The following ZNF214 variants were observed in gnomAD, a reference collection of about 807,000 sequenced individuals.
ZNF214 encodes the protein BWSCR2-associated zinc finger protein 1.
Under a neutral mutation model 53.9 loss-of-function variants are expected in ZNF214, and 43 were observed. That is an observed-to-expected ratio of 0.80 (90% CI 0.63 to 1.03). ZNF214 has a LOEUF of 1.03. ZNF214 is among the 50% of genes least tolerant of loss of function. The pLI, the probability that ZNF214 is intolerant of heterozygous loss-of-function variation, is 0.00. For missense variants in ZNF214, 724 were observed against 719.1 expected, an observed-to-expected ratio of 1.01 and a Z score of -0.08; for synonymous variants, 217 against 229.5, an observed-to-expected ratio of 0.95 and a Z score of 0.49.
At position 7,000,829 on chromosome 11, in the gene ZNF214, T is replaced by A. The variant is rs749164427; in HGVS notation, c.854A>T (p.His285Leu). 6.2e-7 allele frequency: 1 copy of A among 1,612,166 alleles called. No individual in the cohort carries two copies. The highest frequency in any genetic ancestry group is 2.2e-5 in the East Asian group (1 of 44,844). Residue 285 changes from histidine (H) to leucine (L), a missense_variant, in exon 3 of 3, where the codon CAT becomes CTT. Coordinates refer to ENST00000278314, the MANE Select transcript of ZNF214 (RefSeq NM_013249.4). ...ATGAAAGTGAACTCCGGAGCTCTGA[T>A]GAAAGTTACCGTCAACTTCATCACA... ...YGCDEVDGNFHQSSGVHFHQR... is the reference protein window; with the variant it reads ...YGCDEVDGNFLQSSGVHFHQR...
At position 7,001,392 on chromosome 11, in the gene ZNF214, C is replaced by G. The variant is rs757747472; in HGVS notation, c.291G>C (p.Gln97His). ...VQGTDSKDLT[Q>H]QDRSQCQEWL... ...ATTCCTGACACTGGGAACGATCTTG[C>G]TGTGTGAGGTCTTTGGAATCTGTCC... Residue 97 changes from glutamine (Q) to histidine (H), a missense_variant, in exon 3 of 3, where the codon CAG becomes CAC. By Grantham distance (24) the Gln-to-His change is conservative (BLOSUM62 0). Transcript: ENST00000278314. 1 of 1,613,222 alleles carries G rather than the reference C, an allele frequency of 6.2e-7. No individual in the cohort carries two copies. Among genetic ancestry groups the G allele is most frequent in the Non-Finnish European group, 8.5e-7 (1 of 1,179,398 alleles).
chr11:7,001,493 A>G lies in ZNF214; in HGVS notation c.190T>C (p.Phe64Leu), dbSNP rs1851350113. The G allele has an allele frequency of 5.0e-6, 8 of 1,611,756 alleles. No individual in the cohort carries two copies. Among genetic ancestry groups the G allele is most frequent in the Non-Finnish European group, 5.9e-6 (7 of 1,178,830 alleles). ...EKFRYLEYEN[F>L]SYWQGWWNAG... ...TTCCACCAGCCTTGCCAGTAGGAAA[A>G]ATTTTCATATTCTAAGTATCTGAAT... The change falls in exon 3 of 3, where the codon TTT becomes CTT. Residue 64 changes from phenylalanine to leucine, a missense_variant. Transcript: ENST00000278314.
rs1341243628 is a variant in ZNF214 at position 7,001,059 on chromosome 11, GTCT to G, written c.621_623del (p.Glu207del). On this transcript the variant is annotated inframe_deletion, in exon 3 of 3. Coordinates refer to ENST00000278314, the MANE Select transcript of ZNF214 (RefSeq NM_013249.4). The stretch of plus-strand genomic sequence containing the variant: ...TTTCTTCCATTGAATCTCTCAGTAG[GTCT>G]TCTTGACATATCACCCCAACATACT... The G allele has an allele frequency of 1.9e-6, 3 of 1,613,078 alleles. No homozygotes were observed. Among genetic ancestry groups the G allele is most frequent in the African/African-American group, 1.3e-5 (1 of 74,800 alleles).
intron 1 of ZNF214, among the ~76,000 whole-genome samples, chr11:7,012,765 A>G (rs1327490928): frequency 6.6e-6 from 1 of 152,256 alleles, no homozygotes; most frequent in East Asian, 1.9e-4. Flanking sequence ...TCAAGACGTC[A>G]GAAATAAAGT....
intron 1 of ZNF214, among the ~76,000 whole-genome samples, chr11:7,004,453 C>G (rs1851429274): frequency 6.6e-6 from 1 of 151,978 alleles, no homozygotes; most frequent in Admixed American, 6.6e-5. Flanking sequence ...TAAACATGCC[C>G]ACAAATTATT....
intron 1 of ZNF214, among the ~76,000 whole-genome samples, chr11:7,010,557 A>G (rs1851581875): frequency 6.6e-6 from 1 of 151,770 alleles, no homozygotes; most frequent in African/African-American, 2.4e-5. Flanking sequence ...TATAACCCTA[A>G]TCCTAAAATA....
At chr11:7,005,546 A>G (rs1357023296) in intron 1 of ZNF214, among the ~76,000 whole-genome samples, 1 of 152,068 alleles carries the variant, frequency 6.6e-6, no homozygotes, top group African/African-American at 2.4e-5. Context: ...TTCTTTATTC[A>G]CTTCCTGTTA....
At position 7,000,515 on chromosome 11, in the gene ZNF214, C is replaced by T. The variant is rs1434039094; in HGVS notation, c.1168G>A (p.Glu390Lys). 2 of 1,612,438 alleles carry T rather than the reference C, an allele frequency of 1.2e-6. No individual in the cohort carries two copies. The highest frequency in any genetic ancestry group is 4.5e-5 in the East Asian group (2 of 44,868). Residue 390 changes from glutamate (E) to lysine (K), a missense_variant, in exon 3 of 3, where the codon GAG becomes AAG. By Grantham distance (56) the Glu-to-Lys change is moderately conservative (BLOSUM62 1). Coordinates refer to ENST00000278314, the MANE Select transcript of ZNF214 (RefSeq NM_013249.4). ...CTCTGGCTGAAACCCTTACCACACT[C>T]ATCACACTTATATGGTTTTTCTCCT... ...HTGEKPYKCD[E>K]CGKGFSQSSN...
Position 7,000,017 on chromosome 11 carries a change from A to G in ZNF214, c.1666T>C (p.Cys556Arg), listed in dbSNP as rs370469504. 3.4e-5 allele frequency: 55 copies of G among 1,613,260 alleles called. No homozygotes were observed. Among genetic ancestry groups the G allele is most frequent in the Non-Finnish European group, 4.2e-5 (50 of 1,179,560 alleles). The change falls in exon 3 of 3, where the codon TGT (cysteine) becomes CGT (arginine). Residue 556 changes from cysteine (C) to arginine (R), a missense_variant. Physicochemically the swap from Cys to Arg is radical, Grantham distance 180. Coordinates refer to ENST00000278314, the MANE Select transcript of ZNF214 (RefSeq NM_013249.4). ...CTGAAACCTTTACCACACTTAGCACATTGATAAGGCTTCTCTCCTGTATGG... is the reference window on the plus strand; with the variant it reads ...CTGAAACCTTTACCACACTTAGCACGTTGATAAGGCTTCTCTCCTGTATGG... ...RVHTGEKPYQCAKCGKGFSHS... is the reference protein window; with the variant it reads ...RVHTGEKPYQRAKCGKGFSHS...
Position 6,997,851 on chromosome 11 carries a change from AC to A in ZNF214, c.*2010del, listed in dbSNP as rs1245410551. ...AATTCAAACTTAACTGGGTGTCCTG[AC>A]AACCTTACTCTCCTACCCAGACTCA... is the stretch of plus-strand genomic sequence containing the variant. On this transcript the variant is annotated 3_prime_UTR_variant, in exon 3 of 3. Coordinates refer to ENST00000278314, the MANE Select transcript of ZNF214 (RefSeq NM_013249.4). Among the ~76,000 whole-genome samples the A allele has an allele frequency of 2.0e-5, 3 of 152,052 alleles. No homozygotes were observed. The East Asian group carries it at 5.8e-4, about 29-fold the overall frequency.
chr11:7,000,300 C>G lies in ZNF214; in HGVS notation c.1383G>C (p.Gln461His). 6.2e-7 allele frequency: 1 copy of G among 1,613,268 alleles called. No individual in the cohort carries two copies. Among genetic ancestry groups the G allele is most frequent in the Non-Finnish European group, 8.5e-7 (1 of 1,179,558 alleles). The stretch of plus-strand genomic sequence containing the variant: ...AGGGTTTCTCCCCTGTATGGACTCT[C>G]TGATGAATGCGAAGATCTGAGCTGT... The part of the protein sequence containing the change: ...FSHSSDLRIH[Q>H]RVHTGEKPYT... The change falls in exon 3 of 3, where the codon CAG (glutamine) becomes CAC (histidine). Residue 461 changes from glutamine (Q) to histidine (H), a missense_variant. Coordinates refer to ENST00000278314, the MANE Select transcript of ZNF214 (RefSeq NM_013249.4).
Position 7,000,819 on chromosome 11 carries a change from G to A in ZNF214, c.864C>T (p.Ser288=), listed in dbSNP as rs781059500. 2.7e-5 allele frequency: 43 copies of A among 1,611,400 alleles called. No individual in the cohort carries two copies. The highest frequency in any genetic ancestry group is 3.1e-5 in the Non-Finnish European group (37 of 1,179,158). Residue 288 remains serine (S), a synonymous_variant, in exon 3 of 3, where the codon TCC becomes TCT. Coordinates refer to ENST00000278314, the MANE Select transcript of ZNF214 (RefSeq NM_013249.4). ...DEVDGNFHQS[S]GVHFHQRVHI... is the part of the protein sequence containing the mutation. ...GAACTCTCTGATGAAAGTGAACTCC[G>A]GAGCTCTGATGAAAGTTACCGTCAA...
intron 1 of ZNF214, among the ~76,000 whole-genome samples, chr11:7,006,605 A>G (rs1475142166): frequency 5.3e-5 from 8 of 152,024 alleles, no homozygotes; most frequent in Admixed American, 3.3e-4. Context: ...AGTCTCTTGT[A>G]AAGAGCACAG....
At chr11:7,009,683 G>A (rs575422181) in intron 1 of ZNF214, among the ~76,000 whole-genome samples, 75 of 152,138 alleles carry the variant, frequency 4.9e-4, no homozygotes, top group Non-Finnish European at 8.5e-4. Flanking sequence ...TGCATCTGAC[G>A]AAGGTCCAAA....
intron 1 of ZNF214, among the ~76,000 whole-genome samples, chr11:7,014,977 C>T (rs1306300607): frequency 3.3e-5 from 5 of 151,570 alleles, no homozygotes; most frequent in South Asian, 2.1e-4. Context: ...TTAAATTGTA[C>T]GTATGTTTTC....
rs1393961512 is a variant in ZNF214, at chr11:7,000,742, T to A, written c.941A>T (p.Gln314Leu). ...TTGATGATTGTGAAGACTAGAGATC[T>A]GGCTGAAGCTCTTACCACATGCATT... ...SCNACGKSFS[Q>L]ISSLHNHQRV... is the part of the protein sequence containing the mutation. The change falls in exon 3 of 3, where the codon CAG (glutamine) becomes CTG (leucine). Residue 314 changes from glutamine to leucine, a missense_variant. Physicochemically the swap from Gln to Leu is moderately radical, Grantham distance 113. Coordinates refer to ENST00000278314, the MANE Select transcript of ZNF214 (RefSeq NM_013249.4). 17 of 1,610,814 alleles carry A rather than the reference T, an allele frequency of 1.1e-5. No homozygotes were observed. Among genetic ancestry groups the A allele is most frequent in the Non-Finnish European group, 1.4e-5 (17 of 1,179,250 alleles).
rs925420044 is a variant in ZNF214 at position 6,997,344 on chromosome 11, C to T, written c.*2518G>A. Among the ~76,000 whole-genome samples, 4 of 151,694 alleles carry T rather than the reference C, an allele frequency of 2.6e-5. No homozygotes were observed. Among genetic ancestry groups the T allele is most frequent in the Non-Finnish European group, 5.9e-5 (4 of 67,808 alleles). On this transcript the variant is annotated 3_prime_UTR_variant, in exon 3 of 3. Transcript: ENST00000278314. ...AATATCACATTTTCATCTGTTATAG[C>T]ACATAATTAGAAATTTTTAACCCAG...
chr11:6,997,764 G>GT lies in ZNF214; in HGVS notation c.*2097dup, dbSNP rs1310118714. Among the ~76,000 whole-genome samples the GT allele has an allele frequency of 6.6e-6, 1 of 151,814 alleles. No homozygotes were observed. Among genetic ancestry groups the GT allele is most frequent in the African/African-American group, 2.4e-5 (1 of 41,388 alleles). On this transcript the variant is annotated 3_prime_UTR_variant, in exon 3 of 3. Coordinates refer to ENST00000278314, the MANE Select transcript of ZNF214 (RefSeq NM_013249.4). ...AATTTCAAATGTATGAAATTTTAGT[G>GT]TAAGTCCCATGCAATATTTGGGACA...
chr11:7,001,531 G>C lies in ZNF214; in HGVS notation c.152C>G (p.Ser51Cys). 1 of 1,604,440 alleles carries C rather than the reference G, an allele frequency of 6.2e-7. No homozygotes were observed. Among genetic ancestry groups the C allele is most frequent in the South Asian group, 1.1e-5 (1 of 90,304 alleles). The change falls in exon 3 of 3, where the codon TCC (serine) becomes TGC (cysteine). Residue 51 changes from serine (S) to cysteine (C), a missense_variant. Coordinates refer to ENST00000278314, the MANE Select transcript of ZNF214 (RefSeq NM_013249.4). ...TAAGTATCTGAATTTTTCTTCTTGG[G>C]ATTTGTAGCTCTCATTCCAGTTTTC... ...SVENWNESYK[S>C]QEEKFRYLEY...
Sources: gnomAD v4.1 joint callset for allele counts (sites outside exome capture counted in the v4.1 genomes callset) on GRCh38, gnomAD v4.1.1 for gene constraint, MANE v1.5 for transcripts, NCBI Gene and HGNC (gene_info 2026-07-23, HGNC 2026-07-21) for gene names.